Variants in PHACTR3 observed in about 807,000 individuals in gnomAD.
The protein encoded by PHACTR3 is phosphatase and actin regulator 3, also known as protein phosphatase 1, regulatory subunit 123.
In PHACTR3, 16 loss-of-function variants were observed where a neutral mutation model predicts 66.8. The observed-to-expected ratio is 0.24, with a 90% CI of 0.16 to 0.36. The LOEUF (loss-of-function observed/expected upper bound fraction) is 0.36. Among genes scored for constraint, PHACTR3 ranks in the 10% least tolerant of loss-of-function variants. PHACTR3 has a pLI of 1.00. For synonymous variants in PHACTR3, 323 were observed against 292.1 expected (o/e 1.11, Z -1.08); for missense variants, 647 against 719.9 (o/e 0.90, Z 1.16).
intron 3 of PHACTR3, among the ~76,000 whole-genome samples, chr20:59,754,212 C>T (rs1263156294): frequency 6.6e-6 from 1 of 152,200 alleles, no homozygotes; most frequent in Non-Finnish European, 1.5e-5. Flanking sequence ...GTGCTGAGCC[C>T]CTCAGCATTA....
At chr20:59,793,043 C>A (rs2041150171) in intron 7 of PHACTR3, among the ~76,000 whole-genome samples, 1 of 88,312 alleles carries the variant, frequency 1.1e-5, no homozygotes, top group Admixed American at 1.3e-4. Context: ...TACCACCACA[C>A]CCAGTTAATT....
intron 3 of PHACTR3, among the ~76,000 whole-genome samples, chr20:59,749,489 G>A (rs1019478690): frequency 8.5e-5 from 13 of 152,134 alleles, no homozygotes; most frequent in African/African-American, 1.4e-4. Flanking sequence ...ATGCTTGGCC[G>A]CGGCCAGGCT....
intron 8 of PHACTR3, among the ~76,000 whole-genome samples, chr20:59,821,810 C>A (rs1263396415): frequency 6.6e-6 from 1 of 151,980 alleles, no homozygotes; most frequent in Non-Finnish European, 1.5e-5. Flanking sequence ...GAGAGCACCG[C>A]CGGGGAATTT....
intron 4 of PHACTR3, among the ~76,000 whole-genome samples, chr20:59,763,900 G>T (rs1355536452): frequency 6.6e-6 from 1 of 152,188 alleles, no homozygotes; most frequent in East Asian, 1.9e-4. Context: ...CAGTGAGGGG[G>T]CCAGGCCTTG....
rs930113900 is a variant in PHACTR3, at chr20:59,830,223, GTGAGTGTCTGATGGAAGAGGGTA to G, written c.1329-6269_1329-6247del. On this transcript the variant is annotated intron_variant, in intron 8 of 12. Coordinates refer to ENST00000371015, the MANE Select transcript of PHACTR3 (RefSeq NM_080672.5). The surrounding 1 kb of genome is among the most constrained non-coding windows in gnomAD (Gnocchi z 5.8). ...GTATGAGTGTCTGATAGAAGAGGGC[GTGAGTGTCTGATGGAAGAGGGTA>G]TGAGTGTCTGATAGAAGAGGGTATG... Among the ~76,000 whole-genome samples, 1 of 138,830 alleles carries G rather than the reference GTGAGTGTCTGATGGAAGAGGGTA, an allele frequency of 7.2e-6. No individual in the cohort carries two copies. The highest frequency in any genetic ancestry group is 2.2e-4 in the South Asian group (1 of 4,590). 91.1% of individuals were successfully genotyped at this position (138,830 alleles called of 152,430 possible). A position where few individuals can be genotyped will look rare whatever the true frequency, so the allele number is the denominator to read the frequency against.
chr20:59,808,206 G>A (rs1354684860), intron 8 of PHACTR3, among the ~76,000 whole-genome samples: 1 of 152,202 alleles, frequency 6.6e-6, no homozygotes, highest in East Asian at 1.9e-4. Flanking sequence ...AGAGCCACTG[G>A]AGTTCAGAAC....
chr20:59,766,628 C>G (rs887177320), intron 4 of PHACTR3, among the ~76,000 whole-genome samples: 3 of 152,098 alleles, frequency 2.0e-5, no homozygotes, highest in Non-Finnish European at 4.4e-5. Flanking sequence ...TCGATCCTTC[C>G]TATCCTCACT....
intron 1 of PHACTR3, among the ~76,000 whole-genome samples, chr20:59,636,115 A>C (rs891423601): frequency 1.3e-5 from 2 of 152,204 alleles, no homozygotes; most frequent in Non-Finnish European, 2.9e-5. Context: ...CTATATTTTC[A>C]TCACTTTTAT....
chr20:59,587,448 C>T (rs1333085579), intron 1 of PHACTR3, among the ~76,000 whole-genome samples: 4 of 152,224 alleles, frequency 2.6e-5, no homozygotes, highest in Non-Finnish European at 5.9e-5. Context: ...TTCTGAAACC[C>T]AGTGTTCATG....
At chr20:59,643,281 C>A (rs80150792) in intron 1 of PHACTR3, among the ~76,000 whole-genome samples, 6 of 152,202 alleles carry the variant, frequency 3.9e-5, no homozygotes, top group Non-Finnish European at 1.5e-5. Flanking sequence ...ATGCACACAG[C>A]GCACATTAAA....
intron 1 of PHACTR3, among the ~76,000 whole-genome samples, chr20:59,698,047 C>T (rs2037364024): frequency 1.3e-5 from 2 of 152,114 alleles, no homozygotes; most frequent in African/African-American, 4.8e-5. Context: ...ATGTTCATCA[C>T]AATATCAACA....
At chr20:59,724,373 G>T (rs531193788) in intron 1 of PHACTR3, among the ~76,000 whole-genome samples, 1 of 152,282 alleles carries the variant, frequency 6.6e-6, no homozygotes, top group East Asian at 1.9e-4. Context: ...TGTGATCAAA[G>T]AACTTCCAAT....
In PHACTR3 at chr20:59,755,420, C is replaced by T. The variant is rs2039751754; in HGVS notation, c.541+56C>T. The stretch of plus-strand genomic sequence containing the variant: ...TGCTCCTAGAATGGCCATACGTCCC[C>T]ACTGTTGTCCTTGGCTATAGCTTAG... On this transcript the variant is annotated intron_variant, in intron 4 of 12. Coordinates refer to ENST00000371015, the MANE Select transcript of PHACTR3 (RefSeq NM_080672.5). The T allele has an allele frequency of 3.2e-6, 5 of 1,562,434 alleles. No homozygotes were observed. In the South Asian group the frequency reaches 5.8e-5, roughly 18 times the overall value.
intron 7 of PHACTR3, among the ~76,000 whole-genome samples, chr20:59,786,072 TG>T: frequency 6.6e-6 from 1 of 152,370 alleles, no homozygotes; most frequent in South Asian, 2.1e-4. Context: ...CTCAAACTTC[TG>T]AGTCAGTTCG....
intron 12 of PHACTR3, 145 bp from the exon 13 acceptor site, chr20:59,846,970 C>T (rs532831957): frequency 1.5e-5 from 8 of 532,490 alleles, no homozygotes; most frequent in African/African-American, 1.5e-4. Flanking sequence ...CTATTTTAAC[C>T]AGAGTAGCTC....
At chr20:59,775,310 C>T (rs1286120380) in intron 7 of PHACTR3, among the ~76,000 whole-genome samples, 1 of 152,104 alleles carries the variant, frequency 6.6e-6, no homozygotes, top group Non-Finnish European at 1.5e-5. Context: ...GATCAGGAAG[C>T]GTCCGTTGCT....
chr20:59,635,791 G>T (rs768443231), intron 1 of PHACTR3, among the ~76,000 whole-genome samples: 7 of 152,284 alleles, frequency 4.6e-5, no homozygotes, highest in Non-Finnish European at 7.4e-5. Flanking sequence ...CTGGGACAGG[G>T]ACTACACAAA....
intron 1 of PHACTR3, among the ~76,000 whole-genome samples, chr20:59,697,120 A>G (rs561858449): frequency 6.6e-6 from 1 of 152,264 alleles, no homozygotes; most frequent in East Asian, 1.9e-4. Context: ...TGAGGTAAGG[A>G]CTGCCCCACT....
chr20:59,604,664 G>C lies in PHACTR3; in HGVS notation c.-351G>C. 1 of 994,138 alleles carries C rather than the reference G, an allele frequency of 1.0e-6. No individual in the cohort carries two copies. The highest frequency in any genetic ancestry group is 1.2e-6 in the Non-Finnish European group (1 of 835,990). The allele number at this position is 994,138 out of a possible 1,614,324, so 61.6% of individuals were successfully genotyped here. ...GGACATCACCCCCTGCCCCAAGCAC[G>C]CAATAAACACTGACAAGAAAAAGTT... On this transcript the variant is annotated 5_prime_UTR_variant, in exon 1 of 13. Coordinates refer to ENST00000371015, the MANE Select transcript of PHACTR3 (RefSeq NM_080672.5).
Sources: allele counts gnomAD v4.1 joint callset (sites outside exome capture counted in the v4.1 genomes callset), GRCh38; gene constraint gnomAD v4.1.1; non-coding constraint Gnocchi (gnomAD v3.1); transcripts MANE v1.5; gene names NCBI Gene and HGNC (gene_info 2026-07-23, HGNC 2026-07-21).